Variants in ESCO2 observed in about 807,000 individuals in gnomAD.
The protein encoded by ESCO2 is N-acetyltransferase ESCO2.
In ESCO2, 51 loss-of-function variants were observed where a neutral mutation model predicts 61.7. That is an observed-to-expected ratio of 0.83 (90% CI 0.66 to 1.04). ESCO2 has a LOEUF of 1.04. Among genes scored for constraint, ESCO2 ranks in the 50% least tolerant of loss-of-function variants. The pLI is 0.00. For synonymous variants in ESCO2, 230 were observed against 238.2 expected, an observed-to-expected ratio of 0.97 and a Z score of 0.32; for missense variants, 692 against 686.2, an observed-to-expected ratio of 1.01 and a Z score of -0.09.
At chr8:27,816,835 A>G (rs1805824766), downstream of ESCO2, among the ~76,000 whole-genome samples, 1 of 152,140 alleles carries the variant, frequency 6.6e-6, no homozygotes, top group Non-Finnish European at 1.5e-5. Flanking sequence ...ATGCCTATAA[A>G]TATAAACCCG....
chr8:27,800,252 G>A (rs1372985131), intron 10 of ESCO2, among the ~76,000 whole-genome samples: 5 of 152,116 alleles, frequency 3.3e-5, no homozygotes, highest in African/African-American at 1.2e-4. Flanking sequence ...TTGTCTAAGG[G>A]TCTAATACCC....
chr8:27,815,304 G>A (rs1805788585), downstream of ESCO2, among the ~76,000 whole-genome samples: 1 of 152,194 alleles, frequency 6.6e-6, no homozygotes, highest in Non-Finnish European at 1.5e-5. Context: ...CCTGATAAAT[G>A]AGCAGGCTCT....
chr8:27,788,767 A>G, intron 6 of ESCO2, 80 bp from the exon 7 acceptor site: 1 of 1,568,284 alleles, frequency 6.4e-7, no homozygotes, highest in Non-Finnish European at 8.7e-7. Context: ...GTGAAATTTG[A>G]ATGAATGGTT....
At chr8:27,808,684 C>CA (rs34162059), downstream of ESCO2, among the ~76,000 whole-genome samples, 1,013 of 106,538 alleles carry the variant, frequency 9.5e-3, 32 homozygotes, top group African/African-American at 0.034. Flanking sequence ...GACCCTGTCT[C>CA]AAAAAAAAAA....
downstream of ESCO2, chr8:27,812,567 CCTAT>C (rs923551611): frequency 2.6e-5 from 4 of 151,092 alleles, no homozygotes; most frequent in Non-Finnish European, 4.4e-5. Flanking sequence ...TTGCAATCGA[CCTAT>C]CTGACAAAGG....
intron 3 of ESCO2, chr8:27,777,862 C>T (rs922016677): frequency 2.6e-5 from 4 of 152,052 alleles, no homozygotes; most frequent in African/African-American, 9.7e-5. Context: ...TATATGATAC[C>T]CAGTACACTC....
intron 4 of ESCO2, among the ~76,000 whole-genome samples, chr8:27,781,511 CTTATG>C (rs142078491): frequency 0.011 from 1,698 of 150,594 alleles, 54 homozygotes; most frequent in Admixed American, 0.068. Flanking sequence ...TTCTTAACAT[CTTATG>C]TTATAATACT....
chr8:27,802,230 A>G (rs1350145101), intron 10 of ESCO2, among the ~76,000 whole-genome samples: 2 of 151,514 alleles, frequency 1.3e-5, no homozygotes, highest in South Asian at 2.1e-4. Context: ...GGTAAGCAAG[A>G]TCAAGGAGAG....
At chr8:27,800,092 A>T (rs564159748) in intron 10 of ESCO2, among the ~76,000 whole-genome samples, 13 of 152,204 alleles carry the variant, frequency 8.5e-5, no homozygotes, top group Non-Finnish European at 1.9e-4. Context: ...AATATAATCT[A>T]TACAAAGTAA....
At chr8:27,778,133 A>G (rs1265897723) in intron 3 of ESCO2, 2 of 152,210 alleles carry the variant, frequency 1.3e-5, no homozygotes, top group African/African-American at 4.8e-5. Context: ...TTGAAAGCTG[A>G]GCCTTCATTT....
Position 27,804,597 on chromosome 8 carries a change from T to C in ESCO2, c.*1159T>C. ...AACATTGTTCAAATTGTTTTGATTC[T>C]GAAAAATCATTCAACTGCTAACTGG... On this transcript the variant is annotated 3_prime_UTR_variant, in exon 11 of 11. Coordinates refer to ENST00000305188, the MANE Select transcript of ESCO2 (RefSeq NM_001017420.3). 1 of 985,420 alleles carries C rather than the reference T, an allele frequency of 1.0e-6. No homozygotes were observed. Among genetic ancestry groups the C allele is most frequent in the Non-Finnish European group, 1.2e-6 (1 of 829,910 alleles). 61.0% of individuals were successfully genotyped at this position (985,420 alleles called of 1,614,324 possible).
At chr8:27,781,349 T>G (rs1215010673) in intron 4 of ESCO2, among the ~76,000 whole-genome samples, 3 of 152,166 alleles carry the variant, frequency 2.0e-5, no homozygotes, top group Non-Finnish European at 4.4e-5. Context: ...TTTGTTTTTT[T>G]AGCCCACTCT....
rs748537541 is a variant in ESCO2, at chr8:27,792,010, C to T, written c.1311C>T (p.Ile437=). 10 of 1,613,794 alleles carry T rather than the reference C, an allele frequency of 6.2e-6. No individual in the cohort carries two copies. Among genetic ancestry groups the T allele is most frequent in the Middle Eastern group, 1.6e-4 (1 of 6,084 alleles). ...TAGCAGAGTTTTGGGATGGGAAAAT[C>T]GTGTTGGTTCTGCCACATGATCCAA... ...RVVAEFWDGK[I]VLVLPHDPSF... Residue 437 remains isoleucine, a synonymous_variant, in exon 8 of 11, where the codon ATC becomes ATT. Coordinates refer to ENST00000305188, the MANE Select transcript of ESCO2 (RefSeq NM_001017420.3).
chr8:27,795,714 A>G (rs1011699668), intron 9 of ESCO2, among the ~76,000 whole-genome samples: 4 of 152,188 alleles, frequency 2.6e-5, no homozygotes, highest in African/African-American at 9.7e-5. Flanking sequence ...AGTTCTTATC[A>G]TGAAAGGATG....
chr8:27,810,481 C>A, downstream of ESCO2: 1 of 1,600,940 alleles, frequency 6.2e-7, no homozygotes. Context: ...TCATCAAAAT[C>A]ACTTTCATCA....
intron 10 of ESCO2, among the ~76,000 whole-genome samples, chr8:27,802,112 T>C (rs1432908283): frequency 6.7e-6 from 1 of 148,668 alleles, no homozygotes; most frequent in East Asian, 2.1e-4. Context: ...TCAGTTATTT[T>C]ATAGAATATC....
At chr8:27,788,047 G>A in intron 6 of ESCO2, 45 bp downstream of exon 6, 4 of 1,442,980 alleles carry the variant, frequency 2.8e-6, no homozygotes, top group Non-Finnish European at 3.9e-6. Flanking sequence ...GCCCTTTGCA[G>A]AAAAGCTTGC....
rs906927109 is a variant in ESCO2, at chr8:27,775,565, C to T, written c.51C>T (p.Asp17=). The T allele has an allele frequency of 6.2e-7, 1 of 1,614,060 alleles. No individual in the cohort carries two copies. The highest frequency in any genetic ancestry group is 1.1e-5 in the South Asian group (1 of 91,082). Residue 17 remains aspartate, a splice_region_variant and synonymous_variant, in exon 2 of 11, where the codon GAC becomes GAT. Coordinates refer to ENST00000305188, the MANE Select transcript of ESCO2 (RefSeq NM_001017420.3). ...GGAAGCAGGATTCTTTGAAGTGTGA[C>T]AGGTGAATCTCAGCCTGTGAATAGA... The part of the protein sequence containing the change: ...RKRKQDSLKC[D]SLLHFTENLF...
rs755247326 is a variant in ESCO2, at chr8:27,776,785, A to T, written c.477A>T (p.Ser159=). ...QPKYRHIKPV[S]RNSRNSKQNR... ...AGTATAGACACATCAAGCCTGTATC[A>T]AGGAATTCTAGAAATTCCAAGCAAA... Residue 159 remains serine, a synonymous_variant, in exon 3 of 11, where the codon TCA becomes TCT. Coordinates refer to ENST00000305188, the MANE Select transcript of ESCO2 (RefSeq NM_001017420.3). The T allele has an allele frequency of 1.2e-6, 2 of 1,614,114 alleles. No individual in the cohort carries two copies. Among genetic ancestry groups the T allele is most frequent in the Non-Finnish European group, 1.7e-6 (2 of 1,180,036 alleles).
Sources: gnomAD v4.1 joint callset for allele counts (sites outside exome capture counted in the v4.1 genomes callset) on GRCh38, gnomAD v4.1.1 for gene constraint, MANE v1.5 for transcripts, NCBI Gene and HGNC (gene_info 2026-07-23, HGNC 2026-07-21) for gene names.